The following UBA5 variants were observed in gnomAD, a reference collection of about 807,000 sequenced individuals.
UBA5 encodes ubiquitin-like modifier-activating enzyme 5.
A neutral mutation model predicts 52.9 loss-of-function variants in UBA5; 28 were observed. That is an observed-to-expected ratio of 0.53 (90% CI 0.39 to 0.73). The LOEUF is 0.73. Ranked by LOEUF, UBA5 falls within the 30% of genes least tolerant of loss-of-function variation. The pLI, the probability that UBA5 is intolerant of heterozygous loss-of-function variation, is 0.00. For missense variants in UBA5, 388 were observed against 492.7 expected (o/e 0.79, Z 2.01); for synonymous variants, 135 against 162.1 (o/e 0.83, Z 1.27).
intron 8 of UBA5, among the ~76,000 whole-genome samples, chr3:132,674,275 ATC>A (rs1247040751): frequency 2.0e-5 from 3 of 152,126 alleles, no homozygotes; most frequent in Non-Finnish European, 4.4e-5. Flanking sequence ...TTTGTCATTT[ATC>A]TTTTTTATGT....
At chr3:132,668,025 CATTTTT>C (rs1003671516) in intron 3 of UBA5, 23 of 151,894 alleles carry the variant, frequency 1.5e-4, no homozygotes, top group African/African-American at 5.1e-4. Context: ...AAGAAAATCC[CATTTTT>C]GTTTTTATTG....
rs375353642 is a variant in UBA5 at position 132,663,386 on chromosome 3, A to C, written c.162-2437A>C. 7.5e-4 allele frequency among the ~76,000 whole-genome samples: 114 copies of C among 152,280 alleles called. 1 individual carries two copies. The highest frequency in any genetic ancestry group is 2.6e-3 in the African/African-American group (109 of 41,566). ...AGTAAAATAGAAGATTTCCAAGAAT[A>C]ATTGGGGCAGGTCTTTGTACCTGAA... On this transcript the variant is annotated intron_variant, in intron 1 of 11. Transcript: ENST00000356232.
chr3:132,675,360 A>G lies in UBA5; in HGVS notation c.925A>G (p.Arg309Gly). ...TCCTCAGTGTGATGACAGAAATTGC[A>G]GGAAGCAGCAGGAGGAATATAAGGT... ...PNPQCDDRNC[R>G]KQQEEYKKKV... Residue 309 changes from arginine (R) to glycine (G), a missense_variant, in exon 9 of 12, where the codon AGG becomes GGG. By Grantham distance (125) the Arg-to-Gly change is moderately radical (BLOSUM62 -2). This residue lies in a region of UBA5 where 277 missense variants were observed against 326.4 expected (regional missense o/e 0.85). Coordinates refer to ENST00000356232, the MANE Select transcript of UBA5 (RefSeq NM_024818.6). The G allele has an allele frequency of 6.2e-7, 1 of 1,613,676 alleles. No homozygotes were observed.
At chr3:132,658,033 TG>T (rs1384864261), upstream of UBA5, among the ~76,000 whole-genome samples, 1 of 152,078 alleles carries the variant, frequency 6.6e-6, no homozygotes, top group Non-Finnish European at 1.5e-5. Flanking sequence ...GGCTAATTTT[TG>T]TATCTTTAGT....
At position 132,676,740 on chromosome 3, in the gene UBA5, A is replaced by C; in HGVS notation, c.*214A>C. ...AAATGTGTTTCATTCTAGTAAGAAA[A>C]CCTCAAAGGATATTGTAGGATATAA... On this transcript the variant is annotated 3_prime_UTR_variant, in exon 12 of 12. Coordinates refer to ENST00000356232, the MANE Select transcript of UBA5 (RefSeq NM_024818.6). The surrounding 1 kb of genome is among the most constrained non-coding windows in gnomAD (Gnocchi z 4.1). The C allele has an allele frequency of 1.7e-6, 1 of 596,614 alleles. No homozygotes were observed. Among genetic ancestry groups the C allele is most frequent in the South Asian group, 1.6e-5 (1 of 64,476 alleles). The allele number at this position is 596,614 out of a possible 1,614,324, so 37.0% of individuals were successfully genotyped here.
rs1938805676 is a variant in UBA5 at position 132,675,649 on chromosome 3, G to A, written c.993G>A (p.Glu331=). ...ALPKQEVIQE[E]EEIIHEDNEW... Reference sequence around the variant, plus strand: ...CTAAACAAGAGGTTATACAAGAAGAGGAAGAGATAATCCATGAAGATAATG... The same window carrying A: ...CTAAACAAGAGGTTATACAAGAAGAAGAAGAGATAATCCATGAAGATAATG... The change falls in exon 10 of 12, where the codon GAG becomes GAA. Residue 331 remains glutamate, a synonymous_variant. Coordinates refer to ENST00000356232, the MANE Select transcript of UBA5 (RefSeq NM_024818.6). 6.2e-7 allele frequency: 1 copy of A among 1,612,722 alleles called. No homozygotes were observed. Among genetic ancestry groups the A allele is most frequent in the Non-Finnish European group, 8.5e-7 (1 of 1,179,264 alleles).
chr3:132,659,830 C>T, upstream of UBA5: 1 of 1,486,030 alleles, frequency 6.7e-7, no homozygotes, highest in Non-Finnish European at 8.9e-7. Context: ...GGCAACGTCC[C>T]CTCTAGAGCA....
intron 6 of UBA5, 82 bp from the exon 7 acceptor site, chr3:132,671,695 C>A: frequency 2.8e-6 from 3 of 1,081,336 alleles, no homozygotes; most frequent in Admixed American, 2.3e-5. Context: ...CCTTGGTAAT[C>A]CATTCAGTTA....
Position 132,676,540 on chromosome 3 carries a change from A to T in UBA5, c.*14A>T. The T allele has an allele frequency of 6.4e-7, 1 of 1,573,504 alleles. No homozygotes were observed. Among genetic ancestry groups the T allele is most frequent in the Non-Finnish European group, 8.6e-7 (1 of 1,158,962 alleles). On this transcript the variant is annotated 3_prime_UTR_variant, in exon 12 of 12. Transcript: ENST00000356232. This position sits in a 1 kb window ranked among gnomAD's most constrained non-coding sequence, Gnocchi z 4.1. Reference sequence around the variant, plus strand: ...AAGAATATGTAGATAATGGACTGGGATATATTGTATTTCTCATGTTAAAGC... The same window carrying T: ...AAGAATATGTAGATAATGGACTGGGTTATATTGTATTTCTCATGTTAAAGC...
At chr3:132,664,429 A>G (rs531539368) in intron 1 of UBA5, among the ~76,000 whole-genome samples, 1 of 152,320 alleles carries the variant, frequency 6.6e-6, no homozygotes, top group South Asian at 2.1e-4. Flanking sequence ...CTCAAAATTT[A>G]CCTTTGCCGT....
intron 1 of UBA5, among the ~76,000 whole-genome samples, chr3:132,661,630 C>CCT (rs1938171066): frequency 6.6e-6 from 1 of 152,158 alleles, no homozygotes; most frequent in African/African-American, 2.4e-5. Context: ...AGAGAGCCAC[C>CCT]TCAGGTTCAT....
Position 132,660,769 on chromosome 3 carries a change from G to A in UBA5, c.161+71G>A, listed in dbSNP as rs1451830153. ...GGCTCCGTGAGGTCAGAAGTGAGGCGCTTCCCACGTCCCGCTCATGGGGAC... is the reference window on the plus strand; with the variant it reads ...GGCTCCGTGAGGTCAGAAGTGAGGCACTTCCCACGTCCCGCTCATGGGGAC... On this transcript the variant is annotated intron_variant, in intron 1 of 11. Coordinates refer to ENST00000356232, the MANE Select transcript of UBA5 (RefSeq NM_024818.6). The surrounding 1 kb of genome is among the most constrained non-coding windows in gnomAD (Gnocchi z 4.1). The A allele has an allele frequency of 9.6e-6, 14 of 1,455,794 alleles. No individual in the cohort carries two copies. The highest frequency in any genetic ancestry group is 1.2e-5 in the Non-Finnish European group (13 of 1,101,068). 90.2% of individuals were successfully genotyped at this position (1,455,794 alleles called of 1,614,324 possible).
At chr3:132,670,159 G>A (rs1938542958) in intron 4 of UBA5, 39 bp from the exon 5 acceptor site, 3 of 1,004,346 alleles carry the variant, frequency 3.0e-6, no homozygotes, top group Non-Finnish European at 4.6e-6. Flanking sequence ...TGAAATGCTA[G>A]GATTACAGGC....
chr3:132,673,665 C>CTTTT lies in UBA5; in HGVS notation c.812+1501_812+1504dup, dbSNP rs35066291. ...GCCCAGCCTAGAGTTTTCTATAGTA[C>CTTTT]TTTTTTTTTTTTTTTTAAACAGGGT... On this transcript the variant is annotated intron_variant, in intron 8 of 11. Coordinates refer to ENST00000356232, the MANE Select transcript of UBA5 (RefSeq NM_024818.6). Among the ~76,000 whole-genome samples, 158 of 141,444 alleles carry CTTTT rather than the reference C, an allele frequency of 1.1e-3. 1 individual carries two copies. The highest frequency in any genetic ancestry group is 3.5e-3 in the African/African-American group (134 of 38,516). The allele number at this position is 141,444 out of a possible 152,430, so 92.8% of individuals were successfully genotyped here.
In UBA5 at chr3:132,675,635, G is replaced by C. The variant is rs759071206; in HGVS notation, c.979G>C (p.Val327Leu). The change falls in exon 10 of 12, where the codon GTT becomes CTT. Residue 327 changes from valine to leucine, a missense_variant. Physicochemically the swap from Val to Leu is conservative, Grantham distance 32. Coordinates refer to ENST00000356232, the MANE Select transcript of UBA5 (RefSeq NM_024818.6). ...GGTAGCAGCACTGCCTAAACAAGAG[G>C]TTATACAAGAAGAGGAAGAGATAAT... Reference protein sequence around the residue: ...KKVAALPKQEVIQEEEEIIHE... With the variant: ...KKVAALPKQELIQEEEEIIHE... 6.8e-6 allele frequency: 11 copies of C among 1,612,870 alleles called. No individual in the cohort carries two copies. The Admixed American group carries it at 1.8e-4, about 27-fold the overall frequency.
At chr3:132,662,145 C>T (rs569072839) in intron 1 of UBA5, among the ~76,000 whole-genome samples, 1 of 152,316 alleles carries the variant, frequency 6.6e-6, no homozygotes, top group East Asian at 1.9e-4. Context: ...ACTTTCAGAA[C>T]TCAAGTCTAA....
chr3:132,660,944 G>A lies in UBA5; in HGVS notation c.161+246G>A. 1.3e-6 allele frequency: 2 copies of A among 1,494,658 alleles called. No homozygotes were observed. Among genetic ancestry groups the A allele is most frequent in the African/African-American group, 1.4e-5 (1 of 72,096 alleles). 92.6% of individuals were successfully genotyped at this position (1,494,658 alleles called of 1,614,324 possible). Reference sequence around the variant, plus strand: ...GCTCCTGTGCCTGCTGAGGACGTGTGTCCAGTTTCCTATCACCCTTGCCTC... The same window carrying A: ...GCTCCTGTGCCTGCTGAGGACGTGTATCCAGTTTCCTATCACCCTTGCCTC... On this transcript the variant is annotated intron_variant, in intron 1 of 11. Transcript: ENST00000356232. This position sits in a 1 kb window ranked among gnomAD's most constrained non-coding sequence, Gnocchi z 4.1.
chr3:132,676,321 G>A lies in UBA5; in HGVS notation c.1132-122G>A. The A allele has an allele frequency of 1.4e-6, 1 of 715,608 alleles. No individual in the cohort carries two copies. Among genetic ancestry groups the A allele is most frequent in the South Asian group, 1.8e-5 (1 of 55,566 alleles). The allele number at this position is 715,608 out of a possible 1,614,324, so 44.3% of individuals were successfully genotyped here. A position where few individuals can be genotyped will look rare whatever the true frequency, so the allele number is the denominator to read the frequency against. On this transcript the variant is annotated intron_variant, in intron 11 of 11. Transcript: ENST00000356232. This position sits in a 1 kb window ranked among gnomAD's most constrained non-coding sequence, Gnocchi z 4.1. ...TTCTTCTAAAAATTAGAAGATAGTT[G>A]TTAAAGAAAATTTACTTTATAACCT...
intron 1 of UBA5, 41 bp from the exon 2 acceptor site, chr3:132,665,782 A>C (rs1194642074): frequency 6.3e-7 from 1 of 1,590,572 alleles, no homozygotes; most frequent in African/African-American, 1.3e-5. Flanking sequence ...CTAATACCTA[A>C]AAGACTGTAA....
Sources: gnomAD v4.1 joint callset for allele counts (sites outside exome capture counted in the v4.1 genomes callset) on GRCh38, gnomAD v4.1.1 for gene constraint, gnomAD v4.1.1 regional missense constraint, Gnocchi (gnomAD v3.1) non-coding constraint, MANE v1.5 for transcripts, NCBI Gene and HGNC (gene_info 2026-07-23, HGNC 2026-07-21) for gene names.